The following C11orf65 variants were observed in gnomAD, a reference collection of about 807,000 sequenced individuals.
C11orf65 encodes chromosome 11 open reading frame 65.
Under a neutral mutation model 35.3 loss-of-function variants are expected in C11orf65, and 38 were observed. The ratio of observed to expected loss-of-function variants is 1.08; its 90% CI spans 0.83 to 1.41. The LOEUF is 1.41. C11orf65 is among the 40% of genes most tolerant of loss of function. The pLI is 0.00. For synonymous variants in C11orf65, 105 were observed against 114.4 expected (o/e 0.92, Z 0.53); for missense variants, 370 against 367.1 (o/e 1.01, Z -0.06).
chr11:108,367,909 A>G (rs973727870), intron 2 of C11orf65: 2 of 206,072 alleles, frequency 9.7e-6, no homozygotes, highest in Admixed American at 1.2e-4. Flanking sequence ...AATCAAGGAA[A>G]TGCAGTAAAC....
chr11:108,349,415 A>C (rs1376296303), intron 2 of C11orf65, among the ~76,000 whole-genome samples: 1 of 152,204 alleles, frequency 6.6e-6, no homozygotes, highest in African/African-American at 2.4e-5. Context: ...CTGTAATCCC[A>C]ACACTTTGGG....
intron 2 of C11orf65, among the ~76,000 whole-genome samples, chr11:108,450,676 A>C (rs1389030515): frequency 2.0e-5 from 3 of 150,612 alleles, no homozygotes; most frequent in Non-Finnish European, 2.9e-5. Flanking sequence ...CTAATGCTAA[A>C]TGATGAGTTA....
intron 6 of C11orf65, chr11:108,319,903 A>G: frequency 7.6e-7 from 1 of 1,309,082 alleles, no homozygotes; most frequent in South Asian, 1.2e-5. Flanking sequence ...ATACATGTAT[A>G]TCTTAGGGTT....
At chr11:108,355,086 A>G in intron 2 of C11orf65, 1 of 570,346 alleles carries the variant, frequency 1.8e-6, no homozygotes, top group Non-Finnish European at 3.1e-6. Flanking sequence ...GTTTCTTGGA[A>G]TGTTAGAGCA....
chr11:108,421,947 T>C (rs1272764906), intron 3 of C11orf65, among the ~76,000 whole-genome samples: 1 of 152,234 alleles, frequency 6.6e-6, no homozygotes, highest in African/African-American at 2.4e-5. Flanking sequence ...ATTCTTTTTT[T>C]TTGAGACGAA....
chr11:108,411,794 T>C (rs530804767), intron 3 of C11orf65, among the ~76,000 whole-genome samples: 2 of 144,150 alleles, frequency 1.4e-5, no homozygotes, highest in African/African-American at 5.4e-5. Flanking sequence ...TCTTTTTTCT[T>C]TTTTTTTTTT....
chr11:108,412,351 T>C (rs1025436303), intron 3 of C11orf65, among the ~76,000 whole-genome samples: 9 of 151,296 alleles, frequency 5.9e-5, no homozygotes, highest in South Asian at 2.1e-4. Context: ...CAATTACAAA[T>C]ACAATAAATA....
intron 7 of C11orf65, among the ~76,000 whole-genome samples, chr11:108,391,492 G>A (rs1296098183): frequency 6.6e-6 from 1 of 152,140 alleles, no homozygotes; most frequent in African/African-American, 2.4e-5. Flanking sequence ...TGATTCTCCT[G>A]CCTCAGCCTC....
intron 2 of C11orf65, among the ~76,000 whole-genome samples, chr11:108,375,300 T>A (rs1330410408): frequency 6.9e-6 from 1 of 145,908 alleles, no homozygotes; most frequent in Admixed American, 6.7e-5. Flanking sequence ...GCAGAAACCC[T>A]ACAAGCCAGA....
At chr11:108,365,046 C>T (rs2137863582) in intron 2 of C11orf65, 1 of 1,606,148 alleles carries the variant, frequency 6.2e-7, no homozygotes, top group African/African-American at 1.3e-5. Flanking sequence ...TTAAAATGTA[C>T]ATTGTTCTTT....
At chr11:108,321,800 ACT>A (rs1491142734) in intron 6 of C11orf65, among the ~76,000 whole-genome samples, 112 of 152,182 alleles carry the variant, frequency 7.4e-4, no homozygotes, top group African/African-American at 2.6e-3. Flanking sequence ...AAAAAAAAAA[ACT>A]ATGTAGAGAC....
At chr11:108,448,042 G>C (rs1019972176) in intron 2 of C11orf65, among the ~76,000 whole-genome samples, 6 of 152,042 alleles carry the variant, frequency 3.9e-5, no homozygotes, top group African/African-American at 1.4e-4. Context: ...AGAAGAAATG[G>C]ATAAATTCCT....
chr11:108,338,670 GGGGTT>G (rs1256956374), intron 2 of C11orf65, among the ~76,000 whole-genome samples: 22 of 151,942 alleles, frequency 1.4e-4, no homozygotes, highest in African/African-American at 4.6e-4. Context: ...AAAAAAAAGT[GGGGTT>G]GGGGGGTAAC....
chr11:108,327,638 T>C, downstream of C11orf65: 1 of 1,611,364 alleles, frequency 6.2e-7, no homozygotes, highest in South Asian at 1.1e-5. Context: ...TTGCCTTTCT[T>C]ATACAGAACA....
intron 6 of C11orf65, among the ~76,000 whole-genome samples, chr11:108,322,156 T>C (rs1391640850): frequency 1.3e-5 from 2 of 152,166 alleles, no homozygotes; most frequent in Non-Finnish European, 2.9e-5. Context: ...TTCTTTTTTT[T>C]CTTTTTATGT....
intron 2 of C11orf65, chr11:108,369,194 G>T (rs894995783): frequency 1.3e-5 from 2 of 155,614 alleles, no homozygotes; most frequent in African/African-American, 4.8e-5. Context: ...AGCAAGGCAG[G>T]CATAGTCTGC....
At chr11:108,446,366 T>G (rs2093257967) in intron 2 of C11orf65, among the ~76,000 whole-genome samples, 1 of 151,344 alleles carries the variant, frequency 6.6e-6, no homozygotes, top group Non-Finnish European at 1.5e-5. Flanking sequence ...GAAAAAATGT[T>G]AAGGGCAGCC....
chr11:108,355,610 C>T (rs2089811546), intron 2 of C11orf65: 1 of 152,274 alleles, frequency 6.6e-6, no homozygotes, highest in Admixed American at 6.5e-5. Context: ...CACTTTTCCA[C>T]TACTCAGCTT....
At chr11:108,354,070 A>AACAC (rs71047689) in intron 2 of C11orf65, among the ~76,000 whole-genome samples, 3,653 of 114,852 alleles carry the variant, frequency 0.032, 78 homozygotes, top group East Asian at 0.055. Context: ...CACACACACA[A>AACAC]ACACACACAC....
Sources: gnomAD v4.1 joint callset for allele counts (sites outside exome capture counted in the v4.1 genomes callset) on GRCh38, gnomAD v4.1.1 for gene constraint, MANE v1.5 for transcripts, NCBI Gene and HGNC (gene_info 2026-07-23, HGNC 2026-07-21) for gene names.